PDZD2: variants seen among roughly 807,000 people sequenced by gnomAD.
PDZD2 encodes PDZ domain-containing protein 2.
PDZD2 carries 90 observed loss-of-function variants against 220.7 expected under a neutral mutation model. The ratio of observed to expected loss-of-function variants is 0.41; its 90% confidence interval spans 0.34 to 0.49. The LOEUF (loss-of-function observed/expected upper bound fraction) is 0.49, where lower values mean the gene tolerates loss of function less well. Ranked by LOEUF, PDZD2 falls within the 20% of genes least tolerant of loss-of-function variation. The pLI is 0.28. For missense variants in PDZD2, 3,174 were observed against 3,608.5 expected (o/e 0.88, Z 3.08); for synonymous variants, 1,375 against 1,450.5 (o/e 0.95, Z 1.18).
chr5:31,770,460 C>T (rs1752276139), intron 1 of PDZD2, among the ~76,000 whole-genome samples: 1 of 152,206 alleles, frequency 6.6e-6, no homozygotes, highest in African/African-American at 2.4e-5. Context: ...TTGCAGAATT[C>T]ATCCTGAGTA....
intron 2 of PDZD2, among the ~76,000 whole-genome samples, chr5:31,965,121 G>T (rs980207624): frequency 3.9e-5 from 6 of 152,186 alleles, no homozygotes; most frequent in African/African-American, 1.2e-4. Flanking sequence ...TAGATAAAAC[G>T]ACACGGACAC....
chr5:31,910,574 G>C (rs1743097465), intron 2 of PDZD2, among the ~76,000 whole-genome samples: 1 of 151,708 alleles, frequency 6.6e-6, no homozygotes, highest in Admixed American at 6.6e-5. Flanking sequence ...TGTATTTTTA[G>C]TAGAGATGGG....
chr5:32,006,720 C>A (rs1281202336), intron 5 of PDZD2, among the ~76,000 whole-genome samples: 1 of 137,122 alleles, frequency 7.3e-6, no homozygotes, highest in Non-Finnish European at 1.5e-5. Flanking sequence ...GACAGAGTCT[C>A]GCTCTGTCAC....
rs1743904996 is a variant in PDZD2 at position 32,098,198 on chromosome 5, C to T, written c.7948-166C>T. Among the ~76,000 whole-genome samples the T allele has an allele frequency of 1.3e-5, 2 of 152,190 alleles. No individual in the cohort carries two copies. The highest frequency in any genetic ancestry group is 2.4e-5 in the African/African-American group (1 of 41,432). On this transcript the variant is annotated intron_variant, in intron 22 of 24. Coordinates refer to ENST00000438447, the MANE Select transcript of PDZD2 (RefSeq NM_178140.4). The surrounding 1 kb of genome is among the most constrained non-coding windows in gnomAD (Gnocchi z 4.1). ...GCTTGAACCCGGGAGGCTGAGATTG[C>T]ACCACTGTACTCCAGCCTGGGTGAC...
intron 7 of PDZD2, among the ~76,000 whole-genome samples, chr5:32,044,478 G>A (rs1313036160): frequency 6.6e-6 from 1 of 152,174 alleles, no homozygotes; most frequent in Non-Finnish European, 1.5e-5. Context: ...ATAAAGAGAG[G>A]CAGTATGCTG....
intron 2 of PDZD2, among the ~76,000 whole-genome samples, chr5:31,905,584 A>G (rs1458665152): frequency 6.6e-6 from 1 of 152,232 alleles, no homozygotes; most frequent in Admixed American, 6.5e-5. Flanking sequence ...TCAAACATTA[A>G]ATATAGCTTC....
rs1742210423 is a variant in PDZD2, at chr5:32,083,962, GCCA to G, written c.3683-3166_3683-3164del. Among the ~76,000 whole-genome samples the G allele has an allele frequency of 1.3e-5, 2 of 152,178 alleles. No individual in the cohort carries two copies. The highest frequency in any genetic ancestry group is 2.4e-5 in the African/African-American group (1 of 41,438). ...CAAAGTGCTGGGATTACAGGCATGAGCCACCGCCCACGGCCTGAATATGAAATT... is the reference window on the plus strand; with the variant it reads ...CAAAGTGCTGGGATTACAGGCATGAGCCGCCCACGGCCTGAATATGAAATT... On this transcript the variant is annotated intron_variant, in intron 19 of 24. Transcript: ENST00000438447. This position sits in a 1 kb window ranked among gnomAD's most constrained non-coding sequence, Gnocchi z 4.1.
chr5:31,881,324 ATATGTG>A (rs1469946884), intron 2 of PDZD2, among the ~76,000 whole-genome samples: 13 of 118,608 alleles, frequency 1.1e-4, no homozygotes, highest in East Asian at 8.8e-4. Flanking sequence ...ATTTCCATAT[ATATGTG>A]TGTGTGTGTG....
intron 2 of PDZD2, among the ~76,000 whole-genome samples, chr5:31,956,984 G>A (rs1444039594): frequency 1.3e-5 from 2 of 152,076 alleles, no homozygotes; most frequent in African/African-American, 4.8e-5. Flanking sequence ...TCGAACTCCT[G>A]TAACATCTTA....
chr5:31,715,209 T>TA (rs1748372813), intron 1 of PDZD2, among the ~76,000 whole-genome samples: 2 of 152,182 alleles, frequency 1.3e-5, no homozygotes, highest in Non-Finnish European at 2.9e-5. Context: ...CTCCGGTCTC[T>TA]GGTAGAGAGG....
chr5:31,878,555 C>CTT (rs397884384), intron 2 of PDZD2, among the ~76,000 whole-genome samples: 1,471 of 48,120 alleles, frequency 0.031, 319 homozygotes, highest in East Asian at 0.076. Flanking sequence ...ATGACCTCGG[C>CTT]TTTTTTTTTT....
Position 31,639,920 on chromosome 5 carries a change from C to T in PDZD2, c.-361+483C>T, listed in dbSNP as rs956189819. On this transcript the variant is annotated intron_variant, in intron 1 of 24. Coordinates refer to ENST00000438447, the MANE Select transcript of PDZD2 (RefSeq NM_178140.4). This position sits in a 1 kb window ranked among gnomAD's most constrained non-coding sequence, Gnocchi z 4.1. ...CCCCCGCCTCTTTGCCCAGATGAGA[C>T]GTTAGACGCGGGGCGAGGGAATGCA... 6.6e-6 allele frequency among the ~76,000 whole-genome samples: 1 copy of T among 152,090 alleles called. No homozygotes were observed. Among genetic ancestry groups the T allele is most frequent in the Non-Finnish European group, 1.5e-5 (1 of 68,006 alleles).
At chr5:31,975,970 T>C (rs754125114) in intron 2 of PDZD2, among the ~76,000 whole-genome samples, 10 of 151,790 alleles carry the variant, frequency 6.6e-5, no homozygotes, top group Non-Finnish European at 1.5e-4. Flanking sequence ...CACCTGTTAA[T>C]TTTTTGTAGA....
intron 1 of PDZD2, among the ~76,000 whole-genome samples, chr5:31,705,175 TACAC>T (rs755393785): frequency 5.3e-3 from 443 of 84,206 alleles, no homozygotes; most frequent in African/African-American, 0.018. Context: ...AATACATGTA[TACAC>T]ACACACACAC....
chr5:32,039,968 G>T (rs527757774), intron 7 of PDZD2, among the ~76,000 whole-genome samples: 42 of 141,152 alleles, frequency 3.0e-4, no homozygotes, highest in African/African-American at 1.1e-3. Context: ...AGTGAGGAGC[G>T]CCACTGCCTG....
At chr5:31,867,387 T>A (rs1440844080) in intron 2 of PDZD2, among the ~76,000 whole-genome samples, 1 of 151,996 alleles carries the variant, frequency 6.6e-6, no homozygotes, top group Non-Finnish European at 1.5e-5. Flanking sequence ...GGTGCTGGGG[T>A]TGGGCTGGGT....
intron 1 of PDZD2, among the ~76,000 whole-genome samples, chr5:31,752,017 A>C (rs2150178103): frequency 6.8e-6 from 1 of 146,068 alleles, no homozygotes; most frequent in Non-Finnish European, 1.5e-5. Flanking sequence ...TCTCTCGAGC[A>C]GATTTCTCTC....
chr5:31,799,746 T>C, intron 2 of PDZD2, 22 bp downstream of exon 2: 1 of 1,521,614 alleles, frequency 6.6e-7, no homozygotes, highest in South Asian at 1.1e-5. Flanking sequence ...GAATGCCTGC[T>C]GGCACAGGGG....
intron 1 of PDZD2, among the ~76,000 whole-genome samples, chr5:31,793,236 G>A (rs1029947480): frequency 8.0e-6 from 1 of 124,946 alleles, no homozygotes; most frequent in Non-Finnish European, 1.6e-5. Flanking sequence ...GTTTTATAAG[G>A]TGGTTGTGAG....
Sources: gnomAD v4.1 joint callset for allele counts (sites outside exome capture counted in the v4.1 genomes callset) on GRCh38, gnomAD v4.1.1 for gene constraint, Gnocchi (gnomAD v3.1) non-coding constraint, MANE v1.5 for transcripts, NCBI Gene and HGNC (gene_info 2026-07-23, HGNC 2026-07-21) for gene names.